Variants in TTLL11 observed in about 807,000 individuals in gnomAD.
TTLL11 encodes the protein tubulin tyrosine ligase like 11, also known as tubulin polyglutamylase TTLL11.
Under a neutral mutation model 51.7 loss-of-function variants are expected in TTLL11, and 42 were observed. The observed-to-expected ratio is 0.81, with a 90% CI of 0.64 to 1.05. The LOEUF is 1.05. Among genes scored for constraint, TTLL11 ranks in the 50% least tolerant of loss-of-function variants. The pLI is 0.00. For synonymous variants in TTLL11, 381 were observed against 383.5 expected, an observed-to-expected ratio of 0.99 and a Z score of 0.08; for missense variants, 799 against 940.4, an observed-to-expected ratio of 0.85 and a Z score of 1.97.
At chr9:122,040,300 C>T (rs909054256) in intron 1 of TTLL11, 12 of 965,854 alleles carry the variant, frequency 1.2e-5, no homozygotes, top group Non-Finnish European at 1.5e-5. Context: ...CTGAGAATAC[C>T]TTTTTGGTCT....
At chr9:121,897,638 A>G (rs867958227) in intron 6 of TTLL11, among the ~76,000 whole-genome samples, 10 of 123,324 alleles carry the variant, frequency 8.1e-5, no homozygotes, top group African/African-American at 2.4e-4. Context: ...ACACACACAC[A>G]CACGCGCGCG....
chr9:122,005,541 T>G (rs866652614), intron 3 of TTLL11, among the ~76,000 whole-genome samples: 5 of 152,318 alleles, frequency 3.3e-5, no homozygotes, highest in South Asian at 2.1e-4. Flanking sequence ...GTGCCCTCTC[T>G]GCACACAAGT....
Position 121,958,233 on chromosome 9 carries a change from G to A in TTLL11, c.1481+15776C>T, listed in dbSNP as rs116950812. On this transcript the variant is annotated intron_variant, in intron 6 of 8. Coordinates refer to ENST00000321582, the MANE Select transcript of TTLL11 (RefSeq NM_001139442.2). ...TTGGTTTGATTACTTCTAACTACAC[G>A]GAACTTGCTACTCCTTTCAGTCAAC... Among the ~76,000 whole-genome samples the A allele has an allele frequency of 9.6e-3, 1,455 of 152,292 alleles. 19 individuals are homozygous for A. Among genetic ancestry groups the A allele is most frequent in the South Asian group, 0.025 (120 of 4,816 alleles).
intron 3 of TTLL11, among the ~76,000 whole-genome samples, chr9:121,999,328 C>T (rs1279204739): frequency 6.6e-6 from 1 of 152,168 alleles, no homozygotes; most frequent in Non-Finnish European, 1.5e-5. Flanking sequence ...GCTCCAGACT[C>T]ATACAATGAG....
intron 6 of TTLL11, among the ~76,000 whole-genome samples, chr9:121,965,017 A>G (rs1165667135): frequency 6.6e-6 from 1 of 152,176 alleles, no homozygotes; most frequent in Non-Finnish European, 1.5e-5. Flanking sequence ...GACACACAGT[A>G]AGTGCTCAAT....
At chr9:121,958,237 C>T (rs1000676380) in intron 6 of TTLL11, among the ~76,000 whole-genome samples, 1 of 152,224 alleles carries the variant, frequency 6.6e-6, no homozygotes, top group Non-Finnish European at 1.5e-5. Context: ...CTACACGGAA[C>T]TTGCTACTCC....
intron 1 of TTLL11, among the ~76,000 whole-genome samples, chr9:122,045,396 T>C (rs148516786): frequency 6.6e-6 from 1 of 152,044 alleles, no homozygotes; most frequent in Admixed American, 6.5e-5. Flanking sequence ...CTACTACAAA[T>C]ACAAAAATTA....
chr9:121,929,762 C>T (rs1024880665), intron 6 of TTLL11, among the ~76,000 whole-genome samples: 5 of 152,182 alleles, frequency 3.3e-5, no homozygotes, highest in East Asian at 3.9e-4. Flanking sequence ...AGGCAGGTTC[C>T]GAGGACCGGC....
intron 8 of TTLL11, among the ~76,000 whole-genome samples, chr9:121,856,441 T>C (rs1358455197): frequency 6.6e-6 from 1 of 152,210 alleles, no homozygotes; most frequent in Non-Finnish European, 1.5e-5. Context: ...ATCTGTTGAA[T>C]GGGAATAACA....
chr9:122,019,259 T>C (rs56379947), intron 3 of TTLL11, among the ~76,000 whole-genome samples: 6,701 of 152,240 alleles, frequency 0.044, 175 homozygotes, highest in African/African-American at 0.073. Context: ...TTTCTCCTCC[T>C]TCCCAATCTA....
intron 3 of TTLL11, among the ~76,000 whole-genome samples, chr9:122,013,277 C>T (rs1246527131): frequency 6.6e-6 from 1 of 152,144 alleles, no homozygotes; most frequent in Non-Finnish European, 1.5e-5. Context: ...TTTTAGGGTC[C>T]TATAATTGAG....
rs1282963850 is a variant in TTLL11, at chr9:121,847,404, A to G, written c.1840+12933T>C. 3.9e-5 allele frequency among the ~76,000 whole-genome samples: 6 copies of G among 152,256 alleles called. No individual in the cohort carries two copies. In the East Asian group the frequency reaches 1.2e-3, roughly 29 times the overall value. ...AAAAAAAGCAACAACAGAGAAAGAG[A>G]AAAGGTTATTAGATTACTAATTAGT... On this transcript the variant is annotated intron_variant, in intron 8 of 8. Transcript: ENST00000321582.
At chr9:121,962,589 A>C (rs1305393031) in intron 6 of TTLL11, among the ~76,000 whole-genome samples, 2 of 152,230 alleles carry the variant, frequency 1.3e-5, no homozygotes, top group Admixed American at 1.3e-4. Context: ...GTCTACTATC[A>C]GTGATTTCAT....
chr9:121,871,171 T>A (rs1400905556), intron 6 of TTLL11, among the ~76,000 whole-genome samples: 3 of 151,518 alleles, frequency 2.0e-5, no homozygotes, highest in Non-Finnish European at 1.5e-5. Flanking sequence ...TTTGCAAAGA[T>A]GCATCAGCTA....
intron 4 of TTLL11, among the ~76,000 whole-genome samples, chr9:121,987,307 T>C (rs1488004881): frequency 6.6e-6 from 1 of 152,156 alleles, no homozygotes; most frequent in Admixed American, 6.5e-5. Flanking sequence ...TCTTTTTTCA[T>C]ATATATCAAA....
chr9:121,905,701 A>G (rs181898422), intron 6 of TTLL11, among the ~76,000 whole-genome samples: 7 of 152,286 alleles, frequency 4.6e-5, no homozygotes, highest in Non-Finnish European at 7.4e-5. Context: ...AAGTTTACCT[A>G]TAGACATCAT....
At chr9:121,955,044 A>G (rs750933213) in intron 6 of TTLL11, among the ~76,000 whole-genome samples, 20 of 152,180 alleles carry the variant, frequency 1.3e-4, no homozygotes, top group Non-Finnish European at 2.5e-4. Flanking sequence ...CAGTTCTCCT[A>G]TGTGGTCAGA....
chr9:121,945,288 C>T (rs956697799), intron 6 of TTLL11, among the ~76,000 whole-genome samples: 4 of 152,278 alleles, frequency 2.6e-5, no homozygotes, highest in African/African-American at 9.6e-5. Flanking sequence ...TTGCTGAGGT[C>T]CCATCAGTTT....
chr9:122,011,319 T>C (rs1843784763), intron 3 of TTLL11, among the ~76,000 whole-genome samples: 1 of 152,096 alleles, frequency 6.6e-6, no homozygotes, highest in Non-Finnish European at 1.5e-5. Context: ...CAGACTAATA[T>C]AGCCTTATTT....
Sources: gnomAD v4.1 joint callset for allele counts (sites outside exome capture counted in the v4.1 genomes callset) on GRCh38, gnomAD v4.1.1 for gene constraint, MANE v1.5 for transcripts, NCBI Gene and HGNC (gene_info 2026-07-23, HGNC 2026-07-21) for gene names.